PLD1: variants seen among roughly 807,000 people sequenced by gnomAD.
PLD1 encodes the protein phospholipase D1, also known as choline phosphatase 1.
A neutral mutation model predicts 137.1 loss-of-function variants in PLD1; 112 were observed. The ratio of observed to expected loss-of-function variants is 0.82; its 90% CI spans 0.70 to 0.96. PLD1 has a LOEUF of 0.96. Ranked by LOEUF, PLD1 falls within the 40% of genes least tolerant of loss-of-function variation. PLD1 has a pLI of 0.00. For missense variants in PLD1, 1,321 were observed against 1,342.0 expected (o/e 0.98, Z 0.24); for synonymous variants, 431 against 454.7 (o/e 0.95, Z 0.66).
Position 171,680,242 on chromosome 3 carries a change from C to CTTTTTTTTTT in PLD1, c.1868-2558_1868-2549dup, listed in dbSNP as rs571538714. ...GTCTTTTTGTTTTCTTTTTCTTCCT[C>CTTTTTTTTTT]TTTTTTTTTTTTTTTTTTTTTTTTT... is the stretch of plus-strand genomic sequence containing the variant. On this transcript the variant is annotated intron_variant, in intron 16 of 26. Transcript: ENST00000351298. Among the ~76,000 whole-genome samples, 6 of 102,928 alleles carry CTTTTTTTTTT rather than the reference C, an allele frequency of 5.8e-5. 1 individual carries two copies. Among genetic ancestry groups the CTTTTTTTTTT allele is most frequent in the Non-Finnish European group, 5.7e-5 (3 of 52,644 alleles). The allele number at this position is 102,928 out of a possible 152,430, so 67.5% of individuals were successfully genotyped here. A position where few individuals can be genotyped will look rare whatever the true frequency, so the allele number is the denominator to read the frequency against.
chr3:171,632,562 C>T (rs1252001305), intron 23 of PLD1, among the ~76,000 whole-genome samples: 2 of 151,906 alleles, frequency 1.3e-5, no homozygotes, highest in Non-Finnish European at 2.9e-5. Flanking sequence ...GGTATCATGG[C>T]TGCAACTTAT....
rs71178233 is a variant in PLD1 at position 171,737,661 on chromosome 3, TA to T, written c.161-3del. On this transcript the variant is annotated splice_polypyrimidine_tract_variant and splice_region_variant and intron_variant, in intron 2 of 26. Transcript: ENST00000351298. Reference sequence around the variant, plus strand: ...AAATAGCAGAGAAAGGGATATACACTAAAAAAAAAAGTAAATAAAGTTAATG... The same window carrying T: ...AAATAGCAGAGAAAGGGATATACACTAAAAAAAAAGTAAATAAAGTTAATG... 21,927 of 1,199,432 alleles carry T rather than the reference TA, an allele frequency of 0.018. 28 individuals carry two copies. The highest frequency in any genetic ancestry group is 0.02 in the Non-Finnish European group (18,067 of 881,996). The allele number at this position is 1,199,432 out of a possible 1,614,324, so 74.3% of individuals were successfully genotyped here.
chr3:171,612,526 C>T lies in PLD1; in HGVS notation c.2729-94G>A, dbSNP rs187134676. The T allele has an allele frequency of 4.9e-4, 606 of 1,231,828 alleles. 3 individuals are homozygous for T. In the African/African-American group the frequency reaches 7.8e-3, roughly 16 times the overall value. The allele number at this position is 1,231,828 out of a possible 1,614,324, so 76.3% of individuals were successfully genotyped here. A position where few individuals can be genotyped will look rare whatever the true frequency, so the allele number is the denominator to read the frequency against. On this transcript the variant is annotated intron_variant, in intron 24 of 26. Coordinates refer to ENST00000351298, the MANE Select transcript of PLD1 (RefSeq NM_002662.5). The surrounding 1 kb of genome is among the most constrained non-coding windows in gnomAD (Gnocchi z 4.1). The stretch of plus-strand genomic sequence containing the variant: ...CTCAATTCATCCTTGCAAACAAAAC[C>T]GTAATTTTGTCCAGGTTTTCAAGGG...
At chr3:171,784,812 T>G (rs1452923735) in intron 1 of PLD1, among the ~76,000 whole-genome samples, 4 of 152,206 alleles carry the variant, frequency 2.6e-5, no homozygotes, top group African/African-American at 7.2e-5. Flanking sequence ...TAGCTACCTA[T>G]AGATAGCAAA....
At chr3:171,722,097 A>C (rs917107993) in intron 8 of PLD1, among the ~76,000 whole-genome samples, 1 of 152,170 alleles carries the variant, frequency 6.6e-6, no homozygotes, top group African/African-American at 2.4e-5. Context: ...TGATTTCTTC[A>C]GTGTTTTAAT....
At chr3:171,697,338 G>T (rs1055752851) in intron 12 of PLD1, among the ~76,000 whole-genome samples, 3 of 142,622 alleles carry the variant, frequency 2.1e-5, no homozygotes, top group Non-Finnish European at 4.5e-5. Flanking sequence ...TCCGCCTCCC[G>T]GGTTCACGCC....
chr3:171,696,870 C>A (rs9290430), intron 12 of PLD1, among the ~76,000 whole-genome samples: 11,376 of 151,940 alleles, frequency 0.075, 1,252 homozygotes, highest in African/African-American at 0.24. Flanking sequence ...TAAAAATTAC[C>A]AGCTCCAAGA....
chr3:171,782,621 G>C (rs1483466506), intron 1 of PLD1, among the ~76,000 whole-genome samples: 1 of 151,778 alleles, frequency 6.6e-6, no homozygotes, highest in Non-Finnish European at 1.5e-5. Flanking sequence ...GTGGCTTATG[G>C]GTGTTCACCT....
At position 171,724,358 on chromosome 3, in the gene PLD1, TG is replaced by T. The variant is rs377105912; in HGVS notation, c.758+337del. Among the ~76,000 whole-genome samples the T allele has an allele frequency of 3.2e-3, 487 of 152,350 alleles. 1 individual carries two copies. The highest frequency in any genetic ancestry group is 0.011 in the African/African-American group (466 of 41,584). The stretch of plus-strand genomic sequence containing the variant: ...ATAGCCATCCTTATGGGTGTGAAAT[TG>T]TATCTCATTGTGGATTTGACTTACA... On this transcript the variant is annotated intron_variant, in intron 8 of 26. Coordinates refer to ENST00000351298, the MANE Select transcript of PLD1 (RefSeq NM_002662.5).
intron 6 of PLD1, among the ~76,000 whole-genome samples, chr3:171,729,810 C>T (rs1439965980): frequency 6.6e-6 from 1 of 152,164 alleles, no homozygotes; most frequent in Non-Finnish European, 1.5e-5. Flanking sequence ...ACTGTGTGCA[C>T]GTTTATTCTT....
chr3:171,681,825 A>G (rs1164668279), intron 16 of PLD1, among the ~76,000 whole-genome samples: 1 of 152,208 alleles, frequency 6.6e-6, no homozygotes, highest in Non-Finnish European at 1.5e-5. Context: ...CATTCCTAAG[A>G]ACAGTTTAGA....
intron 24 of PLD1, among the ~76,000 whole-genome samples, chr3:171,614,482 A>T (rs891050623): frequency 2.0e-5 from 3 of 152,226 alleles, no homozygotes; most frequent in Admixed American, 1.3e-4. Context: ...GAAAGCACTT[A>T]ATGATTTACA....
At chr3:171,672,319 C>T (rs1362187630) in intron 19 of PLD1, among the ~76,000 whole-genome samples, 1 of 152,108 alleles carries the variant, frequency 6.6e-6, no homozygotes, top group African/African-American at 2.4e-5. Context: ...ACCATGCAAA[C>T]GGACAACACT....
intron 16 of PLD1, among the ~76,000 whole-genome samples, chr3:171,684,198 A>G (rs558887729): frequency 1.1e-4 from 17 of 152,204 alleles, no homozygotes; most frequent in Admixed American, 1.3e-4. Context: ...TCAGCACCTC[A>G]CTCACATCTT....
intron 18 of PLD1, among the ~76,000 whole-genome samples, chr3:171,675,115 C>T (rs1371785999): frequency 6.6e-6 from 1 of 151,932 alleles, no homozygotes; most frequent in Non-Finnish European, 1.5e-5. Context: ...CTACTTCTCA[C>T]AGTCCTGTTT....
intron 11 of PLD1, among the ~76,000 whole-genome samples, chr3:171,706,729 C>T (rs1188929870): frequency 6.6e-6 from 1 of 152,122 alleles, no homozygotes; most frequent in Non-Finnish European, 1.5e-5. Context: ...TATGCTTGTA[C>T]AACAAGAATT....
chr3:171,703,665 C>T (rs1716430749), intron 11 of PLD1, among the ~76,000 whole-genome samples: 1 of 152,054 alleles, frequency 6.6e-6, no homozygotes, highest in African/African-American at 2.4e-5. Flanking sequence ...AGAAAAATTA[C>T]ATAAGAGCTA....
chr3:171,724,631 G>T, intron 8 of PLD1, 65 bp downstream of exon 8: 1 of 910,970 alleles, frequency 1.1e-6, no homozygotes, highest in Non-Finnish European at 1.8e-6. Flanking sequence ...AAACTGGTAT[G>T]TAAAACTAGC....
intron 1 of PLD1, among the ~76,000 whole-genome samples, chr3:171,801,968 A>G (rs1723667179): frequency 6.6e-6 from 1 of 152,228 alleles, no homozygotes; most frequent in Non-Finnish European, 1.5e-5. Context: ...AGGCATTCAC[A>G]TAGAAAGCTA....
Sources: gnomAD v4.1 joint callset for allele counts (sites outside exome capture counted in the v4.1 genomes callset) on GRCh38, gnomAD v4.1.1 for gene constraint, Gnocchi (gnomAD v3.1) non-coding constraint, MANE v1.5 for transcripts, NCBI Gene and HGNC (gene_info 2026-07-23, HGNC 2026-07-21) for gene names.